Variants in EXOC6B observed in about 807,000 individuals in gnomAD.
EXOC6B encodes SEC15 homolog B.
Under a neutral mutation model 113.5 loss-of-function variants are expected in EXOC6B, and 54 were observed. The observed-to-expected ratio is 0.48, with a 90% CI of 0.38 to 0.60. The LOEUF (loss-of-function observed/expected upper bound fraction) is 0.60, where lower values mean the gene tolerates loss of function less well. Ranked by LOEUF, EXOC6B falls within the 20% of genes least tolerant of loss-of-function variation. EXOC6B has a pLI of 0.00. For missense variants in EXOC6B, 797 were observed against 977.5 expected, an observed-to-expected ratio of 0.82 and a Z score of 2.46; for synonymous variants, 357 against 339.0, an observed-to-expected ratio of 1.05 and a Z score of -0.58.
chr2:72,480,426 TA>T lies in EXOC6B; in HGVS notation c.1800+189del, dbSNP rs1365294395. Among the ~76,000 whole-genome samples, 4 of 152,186 alleles carry T rather than the reference TA, an allele frequency of 2.6e-5. No homozygotes were observed. In the East Asian group the frequency reaches 5.8e-4, roughly 22 times the overall value. ...TTGTTTCATTTTGTTTCGTTTTGTT[TA>T]AACACCCAAAAACTCGCACTGGTAT... On this transcript the variant is annotated intron_variant, in intron 17 of 21. Transcript: ENST00000272427.
chr2:72,407,510 T>C (rs1693859573), intron 18 of EXOC6B, among the ~76,000 whole-genome samples: 1 of 152,168 alleles, frequency 6.6e-6, no homozygotes, highest in African/African-American at 2.4e-5. Context: ...CAAAAACTTA[T>C]ACACCACGAT....
At chr2:72,724,861 C>T (rs1166672163) in intron 5 of EXOC6B, among the ~76,000 whole-genome samples, 1 of 151,932 alleles carries the variant, frequency 6.6e-6, no homozygotes, top group Non-Finnish European at 1.5e-5. Context: ...GCCATAAAAT[C>T]TATCTCAAAT....
chr2:72,179,511 T>G (rs1200571963), intron 21 of EXOC6B, 50 bp from the exon 22 acceptor site: 3 of 1,610,722 alleles, frequency 1.9e-6, no homozygotes. Flanking sequence ...GAAACAATGG[T>G]GGAAGGAGAA....
At chr2:72,749,998 T>C (rs1681938528) in intron 1 of EXOC6B, among the ~76,000 whole-genome samples, 1 of 151,614 alleles carries the variant, frequency 6.6e-6, no homozygotes, top group African/African-American at 2.4e-5. Flanking sequence ...TTATATATAG[T>C]ATATATGCTA....
intron 19 of EXOC6B, among the ~76,000 whole-genome samples, chr2:72,355,341 G>C (rs1689913941): frequency 6.6e-6 from 1 of 152,012 alleles, no homozygotes; most frequent in Non-Finnish European, 1.5e-5. Flanking sequence ...TGAAAAAAAG[G>C]AAACCAAATG....
chr2:72,575,495 T>G lies in EXOC6B; in HGVS notation c.843A>C (p.Glu281Asp). ...CCCAACATCAAATGTTACTTACCTC[T>G]TCATCATCTTCCTCGTCTTCAACAT... ...ILDVEDEEDDEEVPGAQDLVD... is the reference protein window; with the variant it reads ...ILDVEDEEDDDEVPGAQDLVD... The change falls in exon 7 of 22, where the codon GAA becomes GAC. Residue 281 changes from glutamate to aspartate, a missense_variant. By Grantham distance (45) the Glu-to-Asp change is conservative. Transcript: ENST00000272427. 6.2e-7 allele frequency: 1 copy of G among 1,605,308 alleles called. No individual in the cohort carries two copies. Among genetic ancestry groups the G allele is most frequent in the Non-Finnish European group, 8.5e-7 (1 of 1,177,060 alleles).
intron 20 of EXOC6B, among the ~76,000 whole-genome samples, chr2:72,225,943 C>T (rs1012530974): frequency 1.3e-5 from 2 of 152,114 alleles, no homozygotes; most frequent in African/African-American, 4.8e-5. Flanking sequence ...ACATCAAATT[C>T]CCTCCTCAGA....
chr2:72,197,784 C>G (rs1213244476), intron 20 of EXOC6B, among the ~76,000 whole-genome samples: 1 of 152,032 alleles, frequency 6.6e-6, no homozygotes, highest in African/African-American at 2.4e-5. Flanking sequence ...CTTTAGAGAC[C>G]AGGCACACAA....
intron 6 of EXOC6B, among the ~76,000 whole-genome samples, chr2:72,661,102 G>A (rs1674977152): frequency 6.6e-6 from 1 of 150,878 alleles, no homozygotes; most frequent in Admixed American, 6.6e-5. Context: ...CCCCACTCTG[G>A]AGCTATAGGG....
chr2:72,196,917 G>A (rs896600581), intron 20 of EXOC6B, among the ~76,000 whole-genome samples: 1 of 152,168 alleles, frequency 6.6e-6, no homozygotes, highest in Non-Finnish European at 1.5e-5. Context: ...GAGGGTCAAA[G>A]GAGGGGCCCA....
chr2:72,520,750 G>A (rs1260075208), intron 8 of EXOC6B, among the ~76,000 whole-genome samples: 1 of 152,162 alleles, frequency 6.6e-6, no homozygotes, highest in Non-Finnish European at 1.5e-5. Flanking sequence ...TAAAATATGA[G>A]CAAATATTCT....
Position 72,479,399 on chromosome 2 carries a change from C to T in EXOC6B, c.1800+1217G>A, listed in dbSNP as rs17008211. Among the ~76,000 whole-genome samples the T allele has an allele frequency of 2.9e-3, 442 of 152,006 alleles. 13 individuals carry two copies. In the East Asian group the frequency reaches 0.071, roughly 25 times the overall value. ...GAATCAAATTTCATTTCTTCTCTTGCGCCTACTGTCAAAAGAATGTACCAA... is the reference window on the plus strand; with the variant it reads ...GAATCAAATTTCATTTCTTCTCTTGTGCCTACTGTCAAAAGAATGTACCAA... On this transcript the variant is annotated intron_variant, in intron 17 of 21. Transcript: ENST00000272427.
intron 20 of EXOC6B, among the ~76,000 whole-genome samples, chr2:72,238,631 A>G (rs1682111199): frequency 6.6e-6 from 1 of 152,014 alleles, no homozygotes; most frequent in Non-Finnish European, 1.5e-5. Flanking sequence ...CTTGGTTTTT[A>G]TTTTAATTTC....
chr2:72,218,425 T>C (rs983786552), intron 20 of EXOC6B, among the ~76,000 whole-genome samples: 1 of 152,036 alleles, frequency 6.6e-6, no homozygotes, highest in Admixed American at 6.6e-5. Flanking sequence ...GAACATAATA[T>C]GTGTGTGTGT....
chr2:72,535,453 A>G (rs1208251022), intron 8 of EXOC6B, among the ~76,000 whole-genome samples: 1 of 152,216 alleles, frequency 6.6e-6, no homozygotes, highest in East Asian at 1.9e-4. Context: ...TGTAAGCACC[A>G]AAGTCTTTTC....
intron 6 of EXOC6B, among the ~76,000 whole-genome samples, chr2:72,701,213 G>A (rs962341524): frequency 6.6e-6 from 1 of 151,620 alleles, no homozygotes; most frequent in African/African-American, 2.4e-5. Flanking sequence ...CATGGTTGTT[G>A]TGCCTGTAAT....
intron 1 of EXOC6B, among the ~76,000 whole-genome samples, chr2:72,764,655 C>G (rs963065754): frequency 6.6e-6 from 1 of 152,032 alleles, no homozygotes; most frequent in Non-Finnish European, 1.5e-5. Context: ...CATGAGCCAC[C>G]GTGCCTGACC....
rs1443768079 is a variant in EXOC6B, at chr2:72,776,603, G to A, written c.114-35134C>T. On this transcript the variant is annotated intron_variant, in intron 1 of 21. Coordinates refer to ENST00000272427, the MANE Select transcript of EXOC6B (RefSeq NM_015189.3). ...TGCCACTGCACTCCAGCCTGGGTGA[G>A]ACAGCCAGGTCTCAAAAAAAAAAAA... is the stretch of plus-strand genomic sequence containing the variant. 2.7e-5 allele frequency among the ~76,000 whole-genome samples: 4 copies of A among 150,616 alleles called. 1 individual carries two copies. The highest frequency in any genetic ancestry group is 9.8e-5 in the African/African-American group (4 of 40,970).
rs78431401 is a variant in EXOC6B, at chr2:72,773,649, A to C, written c.114-32180T>G. On this transcript the variant is annotated intron_variant, in intron 1 of 21. Coordinates refer to ENST00000272427, the MANE Select transcript of EXOC6B (RefSeq NM_015189.3). Reference sequence around the variant, plus strand: ...GAAAATAATTAATTCATTTAAAATTAACAATGAACCCACTACAAGTTAAAC... The same window carrying C: ...GAAAATAATTAATTCATTTAAAATTCACAATGAACCCACTACAAGTTAAAC... Among the ~76,000 whole-genome samples the C allele has an allele frequency of 3.9e-4, 60 of 152,304 alleles. 1 individual carries two copies. In the East Asian group the frequency reaches 0.011, roughly 28 times the overall value.
Sources: gnomAD v4.1 joint callset for allele counts (sites outside exome capture counted in the v4.1 genomes callset) on GRCh38, gnomAD v4.1.1 for gene constraint, MANE v1.5 for transcripts, NCBI Gene and HGNC (gene_info 2026-07-23, HGNC 2026-07-21) for gene names.